LRFN5: variants seen among roughly 807,000 people sequenced by gnomAD.
LRFN5 encodes leucine rich repeat and fibronectin type III domain containing 5.
A neutral mutation model predicts 45.6 loss-of-function variants in LRFN5; 24 were observed. That is an observed-to-expected ratio of 0.53 (90% CI 0.38 to 0.74). The LOEUF is 0.74. Ranked by LOEUF, LRFN5 falls within the 30% of genes least tolerant of loss-of-function variation. LRFN5 has a pLI of 0.00. For synonymous variants in LRFN5, 340 were observed against 313.8 expected (o/e 1.08, Z -0.88); for missense variants, 776 against 861.5 (o/e 0.90, Z 1.24).
chr14:41,769,536 G>A (rs563462906), intron 2 of LRFN5, among the ~76,000 whole-genome samples: 1 of 152,162 alleles, frequency 6.6e-6, no homozygotes, highest in East Asian at 1.9e-4. Context: ...ACATATGTGT[G>A]TGTATATATG....
At chr14:41,894,025 C>G in intron 4 of LRFN5, 7 of 984,036 alleles carry the variant, frequency 7.1e-6, no homozygotes, top group Non-Finnish European at 8.4e-6. Flanking sequence ...CATCAATTGC[C>G]TAATTCCTCA....
chr14:41,771,063 G>GAGAC (rs1886068028), intron 2 of LRFN5, among the ~76,000 whole-genome samples: 1 of 151,924 alleles, frequency 6.6e-6, no homozygotes, highest in African/African-American at 2.4e-5. Context: ...GCTGTGGTTT[G>GAGAC]AGCTGTACTT....
chr14:41,641,987 A>G (rs1285568143), intron 1 of LRFN5, among the ~76,000 whole-genome samples: 1 of 152,070 alleles, frequency 6.6e-6, no homozygotes, highest in African/African-American at 2.4e-5. Flanking sequence ...ACCCTAAACC[A>G]TGTTCTATTT....
intron 2 of LRFN5, among the ~76,000 whole-genome samples, chr14:41,795,714 G>A (rs965558972): frequency 6.6e-6 from 1 of 151,874 alleles, no homozygotes; most frequent in Non-Finnish European, 1.5e-5. Context: ...CTCATAGGTG[G>A]GAATTGAACA....
chr14:41,737,456 G>A (rs181983230), intron 1 of LRFN5, among the ~76,000 whole-genome samples: 1 of 152,188 alleles, frequency 6.6e-6, no homozygotes, highest in Non-Finnish European at 1.5e-5. Flanking sequence ...CAAGGATGCC[G>A]TCTCTCTCCA....
intron 1 of LRFN5, among the ~76,000 whole-genome samples, chr14:41,693,122 A>C (rs543604637): frequency 6.6e-6 from 1 of 152,214 alleles, no homozygotes; most frequent in South Asian, 2.1e-4. Flanking sequence ...ACACTATACA[A>C]TCTTGATTAT....
chr14:41,731,260 C>T (rs78909820), intron 1 of LRFN5: 1 of 151,848 alleles, frequency 6.6e-6, no homozygotes, highest in African/African-American at 2.4e-5. Context: ...TATGAATTTA[C>T]GGGATCTTTT....
At chr14:41,723,790 C>T (rs1883821515) in intron 1 of LRFN5, among the ~76,000 whole-genome samples, 2 of 152,166 alleles carry the variant, frequency 1.3e-5, no homozygotes, top group Non-Finnish European at 2.9e-5. Flanking sequence ...GGCCCCTACC[C>T]TACTCCAGAG....
intron 2 of LRFN5, among the ~76,000 whole-genome samples, chr14:41,885,798 C>A (rs1594495740): frequency 6.6e-6 from 1 of 152,050 alleles, no homozygotes; most frequent in East Asian, 1.9e-4. Flanking sequence ...GGGCGGATCA[C>A]CTGAGGTCAG....
Position 41,886,679 on chromosome 14 carries a change from G to C in LRFN5, c.54G>C (p.Gln18His), listed in dbSNP as rs1221024700. 1 of 1,612,068 alleles carries C rather than the reference G, an allele frequency of 6.2e-7. No individual in the cohort carries two copies. The change falls in exon 3 of 6, where the codon CAG (glutamine) becomes CAC (histidine). Residue 18 changes from glutamine to histidine, a missense_variant. Gln to His is a conservative substitution (Grantham distance 24). This residue lies in a region of LRFN5 where 311 missense variants were observed against 405.1 expected (regional missense o/e 0.77). Transcript: ENST00000298119. ...LFLIGIAVKA[Q>H]ICPKRCVCQI... ...TCATTGGCATAGCAGTGAAAGCTCAGATCTGTCCAAAGCGTTGTGTCTGTC... is the reference window on the plus strand; with the variant it reads ...TCATTGGCATAGCAGTGAAAGCTCACATCTGTCCAAAGCGTTGTGTCTGTC...
chr14:41,734,471 A>G (rs77623854), intron 1 of LRFN5, among the ~76,000 whole-genome samples: 1 of 150,306 alleles, frequency 6.7e-6, no homozygotes, highest in East Asian at 2.0e-4. Flanking sequence ...ATAGCTATCT[A>G]GCTACCCCTG....
chr14:41,778,980 T>C (rs1594700797), intron 2 of LRFN5, among the ~76,000 whole-genome samples: 1 of 151,838 alleles, frequency 6.6e-6, no homozygotes, highest in East Asian at 1.9e-4. Flanking sequence ...TCTTGATCTG[T>C]GCAACATTTA....
chr14:41,879,311 T>A (rs142016067), intron 2 of LRFN5, among the ~76,000 whole-genome samples: 289 of 152,130 alleles, frequency 1.9e-3, no homozygotes, highest in African/African-American at 6.8e-3. Flanking sequence ...ATTCTTCCTT[T>A]GGAGCAAATA....
chr14:41,740,684 T>C (rs886171908), intron 1 of LRFN5, among the ~76,000 whole-genome samples: 5 of 151,866 alleles, frequency 3.3e-5, no homozygotes, highest in African/African-American at 7.2e-5. Flanking sequence ...TTCATTATAG[T>C]ATTGGAAGTC....
intron 4 of LRFN5, among the ~76,000 whole-genome samples, chr14:41,895,227 G>A (rs774077920): frequency 5.9e-5 from 9 of 152,012 alleles, no homozygotes; most frequent in Non-Finnish European, 1.3e-4. Context: ...AGCATCTAAC[G>A]TAGCCCCAAA....
intron 1 of LRFN5, among the ~76,000 whole-genome samples, chr14:41,670,960 CAAT>C (rs1187118498): frequency 1.4e-4 from 22 of 151,978 alleles, no homozygotes; most frequent in East Asian, 5.8e-4. Context: ...TTGAGGACAA[CAAT>C]GTTAGCAAAA....
intron 1 of LRFN5, among the ~76,000 whole-genome samples, chr14:41,676,112 C>T (rs1881617513): frequency 1.3e-5 from 2 of 152,178 alleles, no homozygotes; most frequent in Admixed American, 1.3e-4. Context: ...TCATCACCCT[C>T]TTGCCAAATG....
At chr14:41,651,966 A>G (rs1880144894) in intron 1 of LRFN5, among the ~76,000 whole-genome samples, 1 of 152,002 alleles carries the variant, frequency 6.6e-6, no homozygotes. Flanking sequence ...TTGTATCAAT[A>G]CCAGTCAGAC....
intron 1 of LRFN5, among the ~76,000 whole-genome samples, chr14:41,696,671 C>T (rs1443173834): frequency 6.7e-6 from 1 of 150,298 alleles, no homozygotes; most frequent in African/African-American, 2.5e-5. Context: ...GACTAACTAA[C>T]TTATATTCCC....
Sources: allele counts gnomAD v4.1 joint callset (sites outside exome capture counted in the v4.1 genomes callset), GRCh38; gene constraint gnomAD v4.1.1; regional missense constraint gnomAD v4.1.1; transcripts MANE v1.5; gene names NCBI Gene and HGNC (gene_info 2026-07-23, HGNC 2026-07-21).